Variants in PLCL2 observed in about 807,000 individuals in gnomAD.
The protein encoded by PLCL2 is phospholipase C like 2, also known as inactive phospholipase C-like protein 2.
Under a neutral mutation model 79.6 loss-of-function variants are expected in PLCL2, and 4 were observed. The ratio of observed to expected loss-of-function variants is 0.05; its 90% CI spans 0.02 to 0.11. The LOEUF is 0.11. Ranked by LOEUF, PLCL2 falls within the 10% of genes least tolerant of loss-of-function variation. The pLI is 1.00. For missense variants in PLCL2, 895 were observed against 1,291.0 expected (o/e 0.69, Z 4.70); for synonymous variants, 484 against 457.7 (o/e 1.06, Z -0.73).
At chr3:17,024,687 C>A (rs1559523204) in intron 3 of PLCL2, among the ~76,000 whole-genome samples, 1 of 152,178 alleles carries the variant, frequency 6.6e-6, no homozygotes, top group Non-Finnish European at 1.5e-5. Context: ...AGTTCCAAAT[C>A]TTTTCAGATT....
At chr3:16,966,621 T>A (rs983788095) in intron 1 of PLCL2, among the ~76,000 whole-genome samples, 4 of 152,124 alleles carry the variant, frequency 2.6e-5, no homozygotes, top group Non-Finnish European at 5.9e-5. Flanking sequence ...TCTGGTAGAA[T>A]TCGGCCGTGA....
rs115331535 is a variant in PLCL2, at chr3:16,975,635, C to T, written c.328-34039C>T. On this transcript the variant is annotated intron_variant, in intron 1 of 5. Coordinates refer to ENST00000615277, the MANE Select transcript of PLCL2 (RefSeq NM_001144382.2). ...GGCCCATACTGGAATTATACCATGG[C>T]GGTTCTTCCAAGTGGTTGGGACGTG... 4.3e-3 allele frequency among the ~76,000 whole-genome samples: 654 copies of T among 152,158 alleles called. 4 individuals are homozygous for T. The highest frequency in any genetic ancestry group is 0.015 in the African/African-American group (608 of 41,512).
intron 1 of PLCL2, among the ~76,000 whole-genome samples, chr3:16,981,715 A>G (rs1483649199): frequency 6.6e-6 from 1 of 152,254 alleles, no homozygotes; most frequent in Non-Finnish European, 1.5e-5. Flanking sequence ...AGTGCTGTTT[A>G]TACAAGAACC....
intron 1 of PLCL2, among the ~76,000 whole-genome samples, chr3:16,993,387 C>G (rs1460218484): frequency 6.6e-6 from 1 of 152,172 alleles, no homozygotes; most frequent in African/African-American, 2.4e-5. Context: ...CCTGTCAGAA[C>G]CTTCTGTTGG....
chr3:16,905,954 G>A lies in PLCL2; in HGVS notation c.327+20588G>A, dbSNP rs190622643. On this transcript the variant is annotated intron_variant, in intron 1 of 5. Coordinates refer to ENST00000615277, the MANE Select transcript of PLCL2 (RefSeq NM_001144382.2). ...CATTAACCATCTTCTGCTTTGGCAA[G>A]AATAATCCAGATCCACCTGGAGAGG... Among the ~76,000 whole-genome samples the A allele has an allele frequency of 8.5e-4, 129 of 152,288 alleles. 1 individual carries two copies. The highest frequency in any genetic ancestry group is 3.0e-3 in the African/African-American group (124 of 41,546).
chr3:17,063,508 C>T (rs1001342903), intron 4 of PLCL2, among the ~76,000 whole-genome samples: 3 of 151,230 alleles, frequency 2.0e-5, no homozygotes, highest in Admixed American at 6.6e-5. Flanking sequence ...TGGCTGGGCC[C>T]ACCACAGACC....
intron 1 of PLCL2, among the ~76,000 whole-genome samples, chr3:16,942,415 T>TC (rs2063557641): frequency 6.6e-6 from 1 of 152,170 alleles, no homozygotes; most frequent in African/African-American, 2.4e-5. Flanking sequence ...CCTATCAACT[T>TC]CCCATTACCT....
intron 4 of PLCL2, among the ~76,000 whole-genome samples, chr3:17,054,131 G>C (rs1404555665): frequency 1.3e-5 from 2 of 152,050 alleles, no homozygotes; most frequent in African/African-American, 4.8e-5. Context: ...TGAACACTTT[G>C]CTGCTTAGGA....
intron 3 of PLCL2, among the ~76,000 whole-genome samples, chr3:17,020,410 C>T (rs2124898891): frequency 6.6e-6 from 1 of 152,190 alleles, no homozygotes; most frequent in East Asian, 1.9e-4. Flanking sequence ...AAATGAAGCC[C>T]ATCTCTCTCT....
chr3:17,027,077 A>T (rs1177947511), intron 3 of PLCL2, among the ~76,000 whole-genome samples: 2 of 152,140 alleles, frequency 1.3e-5, no homozygotes, highest in East Asian at 3.9e-4. Flanking sequence ...TTTGTCCAAC[A>T]TATATCGTAA....
rs764729696 is a variant in PLCL2, at chr3:17,011,747, A to G, written c.2401A>G (p.Thr801Ala). Residue 801 changes from threonine (T) to alanine (A), a missense_variant, in exon 2 of 6, where the codon ACA (threonine) becomes GCA (alanine). Physicochemically the swap from Thr to Ala is moderately conservative, Grantham distance 58. Around this residue, in one of 6 missense-constraint regions of PLCL2, gnomAD observed 298 missense variants for 459.6 expected, o/e 0.65. Transcript: ENST00000615277. The surrounding 1 kb of genome is among the most constrained non-coding windows in gnomAD (Gnocchi z 7.9). ...PADCAEQRTK[T>A]VHQNGDAPIF... ...TGATTGTGCAGAACAAAGGACAAAA[A>G]CAGTGCACCAGAATGGAGACGCTCC... 1 of 1,614,188 alleles carries G rather than the reference A, an allele frequency of 6.2e-7. No homozygotes were observed. Among genetic ancestry groups the G allele is most frequent in the South Asian group, 1.1e-5 (1 of 91,086 alleles).
At chr3:17,028,158 G>A (rs1194384835) in intron 3 of PLCL2, among the ~76,000 whole-genome samples, 1 of 152,080 alleles carries the variant, frequency 6.6e-6, no homozygotes, top group African/African-American at 2.4e-5. Flanking sequence ...GGAGAGAAGG[G>A]AATTGGGTAG....
At chr3:17,077,449 CT>C (rs1031786716) in intron 5 of PLCL2, among the ~76,000 whole-genome samples, 3 of 152,136 alleles carry the variant, frequency 2.0e-5, no homozygotes, top group Non-Finnish European at 4.4e-5. Flanking sequence ...TGATTATACC[CT>C]TTTTTTAGTT....
At chr3:17,071,527 A>C (rs917118761) in intron 5 of PLCL2, among the ~76,000 whole-genome samples, 2 of 152,152 alleles carry the variant, frequency 1.3e-5, no homozygotes, top group Admixed American at 6.5e-5. Flanking sequence ...GTGACCCAAG[A>C]TTCTCCCTCT....
chr3:16,981,901 ATATCT>A (rs1442847202), intron 1 of PLCL2, among the ~76,000 whole-genome samples: 3 of 152,236 alleles, frequency 2.0e-5, no homozygotes, highest in Non-Finnish European at 4.4e-5. Context: ...GAGTATGGTG[ATATCT>A]TATCCCAAAG....
intron 1 of PLCL2, among the ~76,000 whole-genome samples, chr3:16,960,021 C>T (rs1222033441): frequency 1.3e-5 from 2 of 152,138 alleles, no homozygotes; most frequent in Admixed American, 6.5e-5. Context: ...AGGAGAATGG[C>T]GTGAACCTGG....
At chr3:16,973,050 A>G (rs1258677306) in intron 1 of PLCL2, among the ~76,000 whole-genome samples, 1 of 151,986 alleles carries the variant, frequency 6.6e-6, no homozygotes, top group Non-Finnish European at 1.5e-5. Flanking sequence ...TATTATGCAG[A>G]CTCGGTTGCG....
At chr3:17,076,718 G>T (rs2065111819) in intron 5 of PLCL2, among the ~76,000 whole-genome samples, 1 of 151,986 alleles carries the variant, frequency 6.6e-6, no homozygotes, top group Non-Finnish European at 1.5e-5. Flanking sequence ...CCCCAGGTTG[G>T]TTTCAAACTC....
At chr3:16,995,423 C>G (rs1165402540) in intron 1 of PLCL2, among the ~76,000 whole-genome samples, 2 of 152,220 alleles carry the variant, frequency 1.3e-5, no homozygotes, top group African/African-American at 2.4e-5. Context: ...AACGTGCACT[C>G]TCAGGCCGCA....
Sources: allele counts gnomAD v4.1 joint callset (sites outside exome capture counted in the v4.1 genomes callset), GRCh38; gene constraint gnomAD v4.1.1; regional missense constraint gnomAD v4.1.1; non-coding constraint Gnocchi (gnomAD v3.1); transcripts MANE v1.5; gene names NCBI Gene and HGNC (gene_info 2026-07-23, HGNC 2026-07-21).